GSE1: variants seen among roughly 807,000 people sequenced by gnomAD.
GSE1 encodes the protein Gse1 coiled-coil protein, also known as genetic suppressor element 1.
A neutral mutation model predicts 112.6 loss-of-function variants in GSE1; 32 were observed. That is an observed-to-expected ratio of 0.28 (90% CI 0.21 to 0.38). The LOEUF is 0.38. GSE1 is among the 10% of genes least tolerant of loss of function. GSE1 has a pLI of 1.00. For missense variants in GSE1, 2,348 were observed against 1,699.2 expected (o/e 1.38, Z -6.71); for synonymous variants, 1,115 against 735.6 (o/e 1.52, Z -8.35).
At chr16:85,526,701 G>A (rs753892230) in intron 2 of GSE1, among the ~76,000 whole-genome samples, 11 of 152,180 alleles carry the variant, frequency 7.2e-5, no homozygotes, top group Non-Finnish European at 1.5e-4. Flanking sequence ...GGCTGCCTGT[G>A]ACTGCATAAG....
chr16:85,520,557 G>C (rs371090963), intron 2 of GSE1, among the ~76,000 whole-genome samples: 1 of 151,694 alleles, frequency 6.6e-6, no homozygotes, highest in Admixed American at 6.6e-5. Context: ...AGGTAGCTGG[G>C]ATTACAGGCG....
intron 1 of GSE1, among the ~76,000 whole-genome samples, chr16:85,178,342 G>A (rs907295428): frequency 6.6e-6 from 1 of 152,110 alleles, no homozygotes; most frequent in Non-Finnish European, 1.5e-5. Context: ...CTGGCGAACA[G>A]TCATTCTGCA....
At chr16:85,193,433 C>A (rs763609097) in intron 1 of GSE1, among the ~76,000 whole-genome samples, 1 of 151,622 alleles carries the variant, frequency 6.6e-6, no homozygotes, top group Non-Finnish European at 1.5e-5. Flanking sequence ...CTTTGAACTC[C>A]TGGGCTCACC....
intron 2 of GSE1, among the ~76,000 whole-genome samples, chr16:85,529,936 C>T (rs956518577): frequency 1.3e-5 from 2 of 152,212 alleles, no homozygotes; most frequent in Non-Finnish European, 2.9e-5. Flanking sequence ...GGGGTTCCTC[C>T]TGTGTGTGGA....
At chr16:85,484,188 G>T (rs2050765301) in intron 2 of GSE1, among the ~76,000 whole-genome samples, 1 of 152,204 alleles carries the variant, frequency 6.6e-6, no homozygotes, top group Admixed American at 6.5e-5. Flanking sequence ...TCTTCCAACT[G>T]GGACGGTGAG....
chr16:85,448,202 C>T (rs567394623), intron 2 of GSE1, among the ~76,000 whole-genome samples: 3 of 152,304 alleles, frequency 2.0e-5, no homozygotes, highest in Non-Finnish European at 2.9e-5. Context: ...GTCTCAGCCT[C>T]GCTTTGTGTT....
chr16:85,626,315 C>T (rs890388295), intron 1 of GSE1, among the ~76,000 whole-genome samples: 2 of 152,204 alleles, frequency 1.3e-5, no homozygotes, highest in African/African-American at 4.8e-5. Context: ...TGAAGCCGCC[C>T]AGGCTCCTGC....
rs977680114 is a variant in GSE1 at position 85,310,337 on chromosome 16, A to G, written c.2284-47126A>G. On this transcript the variant is annotated intron_variant, in intron 1 of 2. Coordinates refer to the GSE1 transcript ENST00000637419. ...GATGTTTGTGAGGTTCAGCGCCTTA[A>G]TATGTGTGAACCAGCTGGCGATACT... is the stretch of plus-strand genomic sequence containing the variant. Among the ~76,000 whole-genome samples, 6 of 152,170 alleles carry G rather than the reference A, an allele frequency of 3.9e-5. 1 individual carries two copies. The highest frequency in any genetic ancestry group is 1.4e-4 in the African/African-American group (6 of 41,442).
At chr16:85,561,542 C>A (rs1045854761) in intron 1 of GSE1, among the ~76,000 whole-genome samples, 2 of 152,188 alleles carry the variant, frequency 1.3e-5, no homozygotes, top group Admixed American at 6.5e-5. Context: ...GATCACTGTC[C>A]ACTGCTAGAA....
At chr16:85,239,374 A>T (rs1479273290) in intron 1 of GSE1, among the ~76,000 whole-genome samples, 1 of 152,238 alleles carries the variant, frequency 6.6e-6, no homozygotes, top group Non-Finnish European at 1.5e-5. Context: ...GAGGCAGGGC[A>T]TGTGAGCAAA....
chr16:85,651,876 A>C (rs2051386708), intron 3 of GSE1, among the ~76,000 whole-genome samples: 1 of 152,212 alleles, frequency 6.6e-6, no homozygotes, highest in African/African-American at 2.4e-5. Context: ...TTGGGGTGCT[A>C]CTTGGATGCT....
chr16:85,527,287 G>A (rs946710287), intron 2 of GSE1, among the ~76,000 whole-genome samples: 11 of 152,380 alleles, frequency 7.2e-5, no homozygotes, highest in Admixed American at 3.3e-4. Flanking sequence ...GTTAAAGGGC[G>A]TCATGTGAGG....
chr16:85,527,490 G>C (rs2052401445), intron 2 of GSE1, among the ~76,000 whole-genome samples: 1 of 152,272 alleles, frequency 6.6e-6, no homozygotes, highest in South Asian at 2.1e-4. Flanking sequence ...CCAGGCTCTT[G>C]ACCCTCTTCC....
At chr16:85,224,695 G>T (rs1247850979) in intron 1 of GSE1, among the ~76,000 whole-genome samples, 1 of 152,166 alleles carries the variant, frequency 6.6e-6, no homozygotes. Flanking sequence ...TTTGCAGAAT[G>T]CAGAAATAAG....
At chr16:85,663,241 AG>A in intron 10 of GSE1, 102 bp from the exon 11 acceptor site, 1 of 1,394,020 alleles carries the variant, frequency 7.2e-7, no homozygotes, top group Non-Finnish European at 9.9e-7. Context: ...AGGCGCAGCC[AG>A]CTACGGCCCA....
At chr16:85,411,718 A>C (rs2048556981) in intron 2 of GSE1, among the ~76,000 whole-genome samples, 1 of 81,158 alleles carries the variant, frequency 1.2e-5, no homozygotes, top group African/African-American at 6.9e-5. Flanking sequence ...CCCCCGGATA[A>C]TCCTCACTGT....
intron 2 of GSE1, among the ~76,000 whole-genome samples, chr16:85,436,991 C>T (rs1410039551): frequency 2.0e-5 from 3 of 152,150 alleles, no homozygotes; most frequent in Non-Finnish European, 2.9e-5. Flanking sequence ...GTCGACGCGG[C>T]GGAGCCCGGG....
chr16:85,525,367 G>A (rs1047421530), intron 2 of GSE1, among the ~76,000 whole-genome samples: 6 of 152,224 alleles, frequency 3.9e-5, no homozygotes, highest in Non-Finnish European at 8.8e-5. Context: ...AGGGAAGGGC[G>A]GCTGTGGGAG....
intron 1 of GSE1, among the ~76,000 whole-genome samples, chr16:85,586,028 C>T (rs1438858694): frequency 6.6e-6 from 1 of 152,182 alleles, no homozygotes; most frequent in Non-Finnish European, 1.5e-5. Context: ...AAGGCTGGCT[C>T]CCTTTGAGGG....
Sources: allele counts gnomAD v4.1 joint callset (sites outside exome capture counted in the v4.1 genomes callset), GRCh38; gene constraint gnomAD v4.1.1; transcripts MANE v1.5; gene names NCBI Gene and HGNC (gene_info 2026-07-23, HGNC 2026-07-21).